The following PRDM10 variants were observed in gnomAD, a reference collection of about 807,000 sequenced individuals.
PRDM10 encodes the protein PR/SET domain 10.
In PRDM10, 65 loss-of-function variants were observed where a neutral mutation model predicts 133.1. That is an observed-to-expected ratio of 0.49 (90% CI 0.40 to 0.60). The LOEUF is 0.60. Among genes scored for constraint, PRDM10 ranks in the 20% least tolerant of loss-of-function variants. The pLI is 0.00. For synonymous variants in PRDM10, 582 were observed against 580.4 expected (o/e 1.00, Z -0.04); for missense variants, 1,137 against 1,507.1 (o/e 0.75, Z 4.07).
At chr11:129,961,168 A>G in intron 1 of PRDM10, 86 bp from the exon 2 acceptor site, 1 of 478,146 alleles carries the variant, frequency 2.1e-6, no homozygotes, top group East Asian at 3.3e-5. Flanking sequence ...ATAATAAAAG[A>G]AAGCTTTGTC....
chr11:129,983,318 G>A (rs12804934), intron 1 of PRDM10, among the ~76,000 whole-genome samples: 15,153 of 133,402 alleles, frequency 0.11, 1,007 homozygotes, highest in Middle Eastern at 0.23. Context: ...TTTTTTAGAC[G>A]GAGTCTCGCT....
chr11:129,958,285 G>A (rs1377853348), intron 2 of PRDM10, among the ~76,000 whole-genome samples: 1 of 152,166 alleles, frequency 6.6e-6, no homozygotes, highest in Non-Finnish European at 1.5e-5. Flanking sequence ...GCCAATTGCT[G>A]TCAACACATC....
At position 129,901,235 on chromosome 11, in the gene PRDM10, G is replaced by T. The variant is rs137866324; in HGVS notation, c.*1078C>A. ...GACCGTCTTATTAAAAGGTCTAGAT[G>T]AGTCACAATATGTTTAAAGTTAAAA... On this transcript the variant is annotated 3_prime_UTR_variant, in exon 21 of 21. Transcript: ENST00000360871. 1 of 152,564 alleles carries T rather than the reference G, an allele frequency of 6.6e-6. No individual in the cohort carries two copies. The highest frequency in any genetic ancestry group is 6.5e-5 in the Admixed American group (1 of 15,272). 9.5% of individuals were successfully genotyped at this position (152,564 alleles called of 1,614,324 possible). A position where few individuals can be genotyped will look rare whatever the true frequency, so the allele number is the denominator to read the frequency against.
chr11:129,932,715 A>G (rs1003152395), intron 9 of PRDM10, among the ~76,000 whole-genome samples: 1 of 152,202 alleles, frequency 6.6e-6, no homozygotes, highest in Non-Finnish European at 1.5e-5. Context: ...CAATTGTTTC[A>G]TAACATGCCT....
rs1368797185 is a variant in PRDM10, at chr11:129,918,204, G to T, written c.2214+335C>A. 6.6e-6 allele frequency among the ~76,000 whole-genome samples: 1 copy of T among 151,228 alleles called. No individual in the cohort carries two copies. The highest frequency in any genetic ancestry group is 2.4e-5 in the African/African-American group (1 of 41,116). ...TACCCCATTAAAAAAATACATTCAG[G>T]GACACAAAAGAGGGAACTAAAATAA... is the stretch of plus-strand genomic sequence containing the variant. On this transcript the variant is annotated intron_variant, in intron 14 of 20. Coordinates refer to ENST00000360871, the MANE Select transcript of PRDM10 (RefSeq NM_199437.2). The surrounding 1 kb of genome is among the most constrained non-coding windows in gnomAD (Gnocchi z 5.3).
chr11:129,931,961 C>T, intron 10 of PRDM10, 141 bp downstream of exon 10: 1 of 1,118,454 alleles, frequency 8.9e-7, no homozygotes, highest in Non-Finnish European at 1.2e-6. Flanking sequence ...ATTATCCAAT[C>T]ATTCTTTAAT....
chr11:129,955,652 C>A, intron 3 of PRDM10, 81 bp from the exon 4 acceptor site: 1 of 1,333,714 alleles, frequency 7.5e-7, no homozygotes, highest in South Asian at 1.2e-5. Flanking sequence ...TACTGCTAAG[C>A]ACCAATTTTT....
At chr11:129,934,671 T>C (rs1253679575) in intron 9 of PRDM10, among the ~76,000 whole-genome samples, 1 of 152,242 alleles carries the variant, frequency 6.6e-6, no homozygotes, top group Non-Finnish European at 1.5e-5. Context: ...CTACCTGATC[T>C]GGCCCCTGCC....
At position 129,947,313 on chromosome 11, in the gene PRDM10, C is replaced by G; in HGVS notation, c.352G>C (p.Asp118His). The G allele has an allele frequency of 6.2e-7, 1 of 1,614,126 alleles. No homozygotes were observed. Among genetic ancestry groups the G allele is most frequent in the Non-Finnish European group, 8.5e-7 (1 of 1,180,026 alleles). Residue 118 changes from aspartate to histidine, a missense_variant, in exon 5 of 21, where the codon GAC becomes CAC. This residue lies in a region of PRDM10 where 635 missense variants were observed against 835.2 expected (regional missense o/e 0.76). Transcript: ENST00000360871. This position sits in a 1 kb window ranked among gnomAD's most constrained non-coding sequence, Gnocchi z 4.6. The stretch of plus-strand genomic sequence containing the variant: ...GGGGTCTGCAGAGTTGCCAAAGGGT[C>G]GGACCCATCTACACTCTCGATGGAA... Reference protein sequence around the residue: ...LPSIESVDGSDPLATLQTPLG... With the variant: ...LPSIESVDGSHPLATLQTPLG...
At chr11:129,944,395 C>CCATCCTGGCTAG (rs373627728) in intron 6 of PRDM10, among the ~76,000 whole-genome samples, 2 of 151,344 alleles carry the variant, frequency 1.3e-5, no homozygotes, top group African/African-American at 2.4e-5. Flanking sequence ...GAGATCGAGA[C>CCATCCTGGCTAG]CACGGTGAAA....
intron 4 of PRDM10, 146 bp downstream of exon 4, chr11:129,955,366 C>A: frequency 1.6e-6 from 1 of 643,190 alleles, no homozygotes; most frequent in Admixed American, 3.4e-5. Context: ...TTGCATTTTG[C>A]TTTGTTTTCA....
chr11:129,977,261 C>G (rs953541917), intron 1 of PRDM10, among the ~76,000 whole-genome samples: 1 of 113,884 alleles, frequency 8.8e-6, no homozygotes, highest in Non-Finnish European at 1.6e-5. Context: ...AAAATACACA[C>G]ACACACACAC....
intron 1 of PRDM10, among the ~76,000 whole-genome samples, chr11:129,981,838 G>A (rs961595797): frequency 1.3e-5 from 2 of 152,244 alleles, no homozygotes; most frequent in Admixed American, 6.5e-5. Context: ...GAAGGTTGCA[G>A]TGAGCCGAGA....
At chr11:129,937,103 C>T (rs1786079063) in intron 8 of PRDM10, among the ~76,000 whole-genome samples, 1 of 152,168 alleles carries the variant, frequency 6.6e-6, no homozygotes, top group Non-Finnish European at 1.5e-5. Context: ...GAGAGTTACG[C>T]TTGGGAGTGA....
chr11:129,994,798 C>T (rs1367889336), intron 1 of PRDM10, among the ~76,000 whole-genome samples: 3 of 151,830 alleles, frequency 2.0e-5, no homozygotes, highest in Non-Finnish European at 4.4e-5. Flanking sequence ...ACCACAGGTG[C>T]CCACCACCAT....
chr11:129,979,098 C>A (rs893941059), intron 1 of PRDM10, among the ~76,000 whole-genome samples: 1 of 152,092 alleles, frequency 6.6e-6, no homozygotes, highest in Non-Finnish European at 1.5e-5. Flanking sequence ...TTGATGTTTG[C>A]CTTTTTCTTT....
intron 1 of PRDM10, among the ~76,000 whole-genome samples, chr11:129,963,857 A>G (rs1460773682): frequency 6.6e-6 from 1 of 152,178 alleles, no homozygotes; most frequent in East Asian, 1.9e-4. Flanking sequence ...AAAGAATACG[A>G]CATTTTTTCT....
intron 1 of PRDM10, among the ~76,000 whole-genome samples, chr11:129,963,619 CTT>C (rs1951847182): frequency 6.6e-6 from 1 of 151,906 alleles, no homozygotes. Context: ...TATTTCCCCT[CTT>C]TCTCTTTCTT....
chr11:129,997,632 A>G (rs530730343), intron 1 of PRDM10, among the ~76,000 whole-genome samples: 1 of 151,324 alleles, frequency 6.6e-6, no homozygotes, highest in Non-Finnish European at 1.5e-5. Flanking sequence ...TTTCTCTTAA[A>G]CATTTGAAAA....
Sources: gnomAD v4.1 joint callset for allele counts (sites outside exome capture counted in the v4.1 genomes callset) on GRCh38, gnomAD v4.1.1 for gene constraint, gnomAD v4.1.1 regional missense constraint, Gnocchi (gnomAD v3.1) non-coding constraint, MANE v1.5 for transcripts, NCBI Gene and HGNC (gene_info 2026-07-23, HGNC 2026-07-21) for gene names.